The following INPP4B variants were observed in gnomAD, a reference collection of about 807,000 sequenced individuals.
INPP4B encodes the protein inositol polyphosphate 4-phosphatase type II.
In INPP4B, 55 loss-of-function variants were observed where a neutral mutation model predicts 122.5. That is an observed-to-expected ratio of 0.45 (90% CI 0.36 to 0.56). The LOEUF (loss-of-function observed/expected upper bound fraction) is 0.56. Among genes scored for constraint, INPP4B ranks in the 20% least tolerant of loss-of-function variants. The probability of loss-of-function intolerance (pLI) is 0.00; values close to 1 mark genes in which losing one functional copy is unlikely to be tolerated. For synonymous variants in INPP4B, 403 were observed against 388.7 expected (o/e 1.04, Z -0.43); for missense variants, 1,000 against 1,097.7 (o/e 0.91, Z 1.26).
At chr4:142,182,270 C>T (rs3113518) in intron 15 of INPP4B, among the ~76,000 whole-genome samples, 151,271 of 152,258 alleles carry the variant, frequency 0.99, 75,152 homozygotes, top group East Asian at 1. Context: ...GATTCTTGGC[C>T]GGGCACGGTG....
rs2194871 is a variant in INPP4B at position 142,514,944 on chromosome 4, C to A, written c.-190-52218G>T. On this transcript the variant is annotated intron_variant, in intron 2 of 25. Transcript: ENST00000262992. ...CTGAGTAGCTGGGACTACAGGCACC[C>A]ACCACCATGCCTGGCTAATTTTTGT... Among the ~76,000 whole-genome samples the A allele has an allele frequency of 7.1e-3, 1,080 of 151,858 alleles. 15 individuals carry two copies. Among genetic ancestry groups the A allele is most frequent in the African/African-American group, 0.025 (1,022 of 41,434 alleles).
chr4:142,767,821 A>G (rs1212581288), intron 1 of INPP4B: 1 of 152,124 alleles, frequency 6.6e-6, no homozygotes, highest in Non-Finnish European at 1.5e-5. Context: ...GAAGCTAGAG[A>G]ATTTACCCAC....
intron 7 of INPP4B, among the ~76,000 whole-genome samples, chr4:142,347,725 TGAAAA>T (rs1236314647): frequency 6.6e-6 from 1 of 152,012 alleles, no homozygotes; most frequent in African/African-American, 2.4e-5. Flanking sequence ...CATAAAAGAC[TGAAAA>T]GAAAAGCATT....
chr4:142,796,868 ATGTGTGTGTGTGTGTGTGTGTGTGTG>A lies in INPP4B; in HGVS notation c.-254+49315_-254+49340del, dbSNP rs34860975. ...TCACAGAAACTGATGCGGAAAACAG[ATGTGTGTGTGTGTGTGTGTGTGTGTG>A]TGTGTGTGTGTGTGTGTGTGTCTGT... On this transcript the variant is annotated intron_variant, in intron 1 of 25. Transcript: ENST00000262992. Among the ~76,000 whole-genome samples, 24 of 105,388 alleles carry A rather than the reference ATGTGTGTGTGTGTGTGTGTGTGTGTG, an allele frequency of 2.3e-4. No homozygotes were observed. In the East Asian group the frequency reaches 5.2e-3, roughly 23 times the overall value. 69.1% of individuals were successfully genotyped at this position (105,388 alleles called of 152,430 possible).
chr4:142,531,131 G>A (rs920112225), intron 2 of INPP4B, among the ~76,000 whole-genome samples: 3 of 151,986 alleles, frequency 2.0e-5, no homozygotes, highest in Middle Eastern at 3.4e-3. Flanking sequence ...GGTAGGGGGC[G>A]GAGAATTGTC....
intron 25 of INPP4B, among the ~76,000 whole-genome samples, chr4:142,042,853 G>A (rs536278381): frequency 5.3e-5 from 8 of 151,998 alleles, no homozygotes; most frequent in South Asian, 2.1e-4. Flanking sequence ...GAGCCACCGC[G>A]CCCAGACGAT....
intron 7 of INPP4B, among the ~76,000 whole-genome samples, chr4:142,321,867 A>G (rs1023313469): frequency 6.6e-6 from 1 of 152,088 alleles, no homozygotes; most frequent in South Asian, 2.1e-4. Flanking sequence ...AAGTTGGGTA[A>G]TGTAATGCCT....
intron 23 of INPP4B, 79 bp from the exon 24 acceptor site, chr4:142,086,335 C>T (rs35232234): frequency 2.7e-5 from 21 of 768,494 alleles, no homozygotes; most frequent in Non-Finnish European, 4.2e-5. Context: ...TTTTTCAATA[C>T]ATTTATTTGC....
chr4:142,703,359 G>C (rs749932862), intron 2 of INPP4B, among the ~76,000 whole-genome samples: 1 of 152,116 alleles, frequency 6.6e-6, no homozygotes, highest in Non-Finnish European at 1.5e-5. Context: ...AATACATTCT[G>C]CAGCAAGTTA....
At chr4:142,583,231 A>G (rs550461087) in intron 2 of INPP4B, among the ~76,000 whole-genome samples, 1 of 152,202 alleles carries the variant, frequency 6.6e-6, no homozygotes, top group South Asian at 2.1e-4. Context: ...AACTACAGTA[A>G]CTTTGAGACC....
intron 7 of INPP4B, among the ~76,000 whole-genome samples, chr4:142,398,375 C>A (rs1349204551): frequency 5.5e-4 from 6 of 10,812 alleles, no homozygotes; most frequent in Admixed American, 3.0e-3. Flanking sequence ...CAGACTCTGT[C>A]TAAAAAAAAA....
chr4:142,537,933 AC>A (rs759653845), intron 2 of INPP4B, among the ~76,000 whole-genome samples: 3 of 152,080 alleles, frequency 2.0e-5, no homozygotes, highest in Non-Finnish European at 4.4e-5. Context: ...GCAATGGAAA[AC>A]TGAAGTAAGC....
chr4:142,731,389 C>A (rs1766064814), intron 1 of INPP4B, among the ~76,000 whole-genome samples: 1 of 152,084 alleles, frequency 6.6e-6, no homozygotes, highest in Admixed American at 6.6e-5. Flanking sequence ...CTAAAAAGAT[C>A]AAGATTGCTA....
At chr4:142,072,396 G>A (rs1400241796) in intron 25 of INPP4B, among the ~76,000 whole-genome samples, 1 of 151,408 alleles carries the variant, frequency 6.6e-6, no homozygotes, top group African/African-American at 2.4e-5. Flanking sequence ...AATGACGGGT[G>A]CAGCATACCA....
intron 25 of INPP4B, among the ~76,000 whole-genome samples, chr4:142,068,055 G>GA (rs1226662546): frequency 6.6e-6 from 1 of 152,104 alleles, no homozygotes; most frequent in East Asian, 1.9e-4. Context: ...TGAAAGGAAG[G>GA]AAAAAAAGTT....
intron 12 of INPP4B, among the ~76,000 whole-genome samples, chr4:142,220,079 T>G (rs958918094): frequency 2.6e-5 from 4 of 152,330 alleles, no homozygotes; most frequent in East Asian, 1.9e-4. Context: ...ACAATATCAC[T>G]CTACACAAAT....
intron 25 of INPP4B, among the ~76,000 whole-genome samples, chr4:142,036,076 G>A (rs1418092880): frequency 3.3e-5 from 5 of 151,944 alleles, no homozygotes; most frequent in Non-Finnish European, 5.9e-5. Context: ...CTCTAATAGT[G>A]TGCAGTGTCT....
intron 2 of INPP4B, among the ~76,000 whole-genome samples, chr4:142,676,250 CA>C (rs936433707): frequency 5.9e-5 from 9 of 151,952 alleles, no homozygotes; most frequent in African/African-American, 2.2e-4. Context: ...ACAATTGCTA[CA>C]AAGAGAATAA....
chr4:142,571,806 AT>A (rs889961746), intron 2 of INPP4B, among the ~76,000 whole-genome samples: 5 of 151,318 alleles, frequency 3.3e-5, no homozygotes, highest in Admixed American at 2.0e-4. Flanking sequence ...CAAGTTATTT[AT>A]TTTTTTTTGA....
Sources: allele counts gnomAD v4.1 joint callset (sites outside exome capture counted in the v4.1 genomes callset), GRCh38; gene constraint gnomAD v4.1.1; transcripts MANE v1.5; gene names NCBI Gene and HGNC (gene_info 2026-07-23, HGNC 2026-07-21).